FBXO40: variants seen among roughly 807,000 people sequenced by gnomAD.
FBXO40 encodes F-box only protein 40.
Under a neutral mutation model 49.9 loss-of-function variants are expected in FBXO40, and 50 were observed. The observed-to-expected ratio is 1.00, with a 90% confidence interval of 0.80 to 1.27. The LOEUF is 1.27. FBXO40 is among the 50% of genes most tolerant of loss of function. FBXO40 has a pLI of 0.00. For synonymous variants in FBXO40, 340 were observed against 320.2 expected (o/e 1.06, Z -0.66); for missense variants, 895 against 870.1 (o/e 1.03, Z -0.36).
At chr3:121,607,048 C>T (rs1033789974) in intron 1 of FBXO40, among the ~76,000 whole-genome samples, 6 of 151,980 alleles carry the variant, frequency 3.9e-5, no homozygotes, top group African/African-American at 7.2e-5. Context: ...GTGGATCACC[C>T]GAGGTCAAGA....
At chr3:121,603,039 T>C (rs1454548350) in intron 1 of FBXO40, among the ~76,000 whole-genome samples, 1 of 152,226 alleles carries the variant, frequency 6.6e-6, no homozygotes, top group Non-Finnish European at 1.5e-5. Flanking sequence ...CTGTGTCTCG[T>C]AAGGGCCTTC....
At chr3:121,617,324 A>T (rs1036345107) in intron 1 of FBXO40, among the ~76,000 whole-genome samples, 2 of 152,150 alleles carry the variant, frequency 1.3e-5, no homozygotes, top group Non-Finnish European at 2.9e-5. Context: ...GGCCGGGCAC[A>T]GTGGCTCACA....
chr3:121,600,025 A>G (rs148584966), intron 1 of FBXO40, among the ~76,000 whole-genome samples: 1 of 149,078 alleles, frequency 6.7e-6, no homozygotes, highest in Non-Finnish European at 1.5e-5. Context: ...GCCCTGTCTA[A>G]ACACACATAT....
intron 1 of FBXO40, among the ~76,000 whole-genome samples, chr3:121,601,632 A>T (rs1000695465): frequency 6.6e-6 from 1 of 152,212 alleles, no homozygotes; most frequent in Non-Finnish European, 1.5e-5. Flanking sequence ...CAGAGTTCTC[A>T]CTGCACGCAT....
rs2049083613 is a variant in FBXO40 at position 121,629,837 on chromosome 3, G to A, written c.*2927G>A. 6.6e-6 allele frequency: 1 copy of A among 152,304 alleles called. No individual in the cohort carries two copies. The highest frequency in any genetic ancestry group is 2.1e-4 in the South Asian group (1 of 4,832). 9.4% of individuals were successfully genotyped at this position (152,304 alleles called of 1,614,324 possible). ...GAGAGGAAGCTGGAGTGAACAGCAT[G>A]AACAGCGAGTGTTACCTGACAGAGG... On this transcript the variant is annotated 3_prime_UTR_variant, in exon 4 of 4. Transcript: ENST00000338040.
At chr3:121,615,562 T>TAAA (rs34194992) in intron 1 of FBXO40, among the ~76,000 whole-genome samples, 25 of 128,978 alleles carry the variant, frequency 1.9e-4, no homozygotes, top group Middle Eastern at 7.5e-3. Flanking sequence ...GACTGTGTCT[T>TAAA]AAAAAAAAAA....
chr3:121,602,720 A>T (rs2048906523), intron 1 of FBXO40, among the ~76,000 whole-genome samples: 2 of 152,346 alleles, frequency 1.3e-5, no homozygotes, highest in South Asian at 4.1e-4. Flanking sequence ...TGTGTATCAA[A>T]TAATTCCAGA....
At chr3:121,614,978 G>A (rs1334788771) in intron 1 of FBXO40, among the ~76,000 whole-genome samples, 1 of 152,140 alleles carries the variant, frequency 6.6e-6, no homozygotes, top group East Asian at 1.9e-4. Context: ...CCAGCACTTC[G>A]GGAGGCCGAG....
At chr3:121,602,708 A>G (rs1272790779) in intron 1 of FBXO40, among the ~76,000 whole-genome samples, 1 of 152,122 alleles carries the variant, frequency 6.6e-6, no homozygotes, top group Admixed American at 6.5e-5. Context: ...ATGGCTCCCT[A>G]TTGTGTATCA....
At chr3:121,618,793 G>A (rs976527435) in intron 1 of FBXO40, among the ~76,000 whole-genome samples, 1 of 151,790 alleles carries the variant, frequency 6.6e-6, no homozygotes, top group Non-Finnish European at 1.5e-5. Flanking sequence ...TTGAGAGAGA[G>A]ACAGAGAGGA....
At chr3:121,625,115 C>A (rs1241150927) in intron 3 of FBXO40, among the ~76,000 whole-genome samples, 1 of 152,212 alleles carries the variant, frequency 6.6e-6, no homozygotes, top group South Asian at 2.1e-4. Context: ...AATCAAAGAA[C>A]CTTTCCCTTC....
intron 3 of FBXO40, among the ~76,000 whole-genome samples, chr3:121,624,728 T>C (rs972512598): frequency 1.3e-5 from 2 of 152,180 alleles, no homozygotes; most frequent in African/African-American, 4.8e-5. Context: ...GGCGGCTCTC[T>C]ACACAAAATT....
chr3:121,622,344 G>C lies in FBXO40; in HGVS notation c.915G>C (p.Lys305Asn). 1 of 1,614,234 alleles carries C rather than the reference G, an allele frequency of 6.2e-7. No homozygotes were observed. Among genetic ancestry groups the C allele is most frequent in the Non-Finnish European group, 8.5e-7 (1 of 1,180,052 alleles). ...GACTGAAAACAGCTGTGGATGCAAA[G>C]GACTATAACATGTATCTAGTGCACA... Reference protein sequence around the residue: ...LERLKTAVDAKDYNMYLVHNG... With the variant: ...LERLKTAVDANDYNMYLVHNG... The change falls in exon 3 of 4, where the codon AAG (lysine) becomes AAC (asparagine). Residue 305 changes from lysine (K) to asparagine (N), a missense_variant. Transcript: ENST00000338040.
At position 121,623,298 on chromosome 3, in the gene FBXO40, A is replaced by C. The variant is rs1285021422; in HGVS notation, c.1869A>C (p.Lys623Asn). The C allele has an allele frequency of 6.2e-7, 1 of 1,614,248 alleles. No individual in the cohort carries two copies. Among genetic ancestry groups the C allele is most frequent in the Admixed American group, 1.7e-5 (1 of 60,036 alleles). ...ERGMVLLQWK[K>N]KRYSHGGTSW... ...GAATGGTCCTTTTGCAATGGAAGAA[A>C]AAGAGGTATTCCCATGGAGGCACCT... The change falls in exon 3 of 4, where the codon AAA becomes AAC. Residue 623 changes from lysine to asparagine, a missense_variant. By Grantham distance (94) the Lys-to-Asn change is moderately conservative. Transcript: ENST00000338040.
chr3:121,614,481 C>T (rs1446491641), intron 1 of FBXO40, among the ~76,000 whole-genome samples: 1 of 151,904 alleles, frequency 6.6e-6, no homozygotes, highest in Non-Finnish European at 1.5e-5. Context: ...CTGTTTGGGC[C>T]ATCCTTCCCG....
chr3:121,611,976 T>C lies in FBXO40; in HGVS notation c.-30-8570T>C, dbSNP rs1009651269. Among the ~76,000 whole-genome samples, 3 of 152,336 alleles carry C rather than the reference T, an allele frequency of 2.0e-5. No individual in the cohort carries two copies. In the East Asian group the frequency reaches 5.8e-4, roughly 29 times the overall value. On this transcript the variant is annotated intron_variant, in intron 1 of 3. Coordinates refer to ENST00000338040, the MANE Select transcript of FBXO40 (RefSeq NM_016298.4). ...TGGGGCAAAGTGGCTGGGGCAAAGCTACAAATTAACAACATCTCAGCAAAG... is the reference window on the plus strand; with the variant it reads ...TGGGGCAAAGTGGCTGGGGCAAAGCCACAAATTAACAACATCTCAGCAAAG...
At position 121,622,400 on chromosome 3, in the gene FBXO40, T is replaced by C. The variant is rs1333869125; in HGVS notation, c.971T>C (p.Met324Thr). ...CGGATGCTGATACACTTTGGTCAGATGCCTGCTTGTACACCCAAGGAGAGA... is the reference window on the plus strand; with the variant it reads ...CGGATGCTGATACACTTTGGTCAGACGCCTGCTTGTACACCCAAGGAGAGA... ...NGRMLIHFGQ[M>T]PACTPKERDF... The change falls in exon 3 of 4, where the codon ATG becomes ACG. Residue 324 changes from methionine (M) to threonine (T), a missense_variant. By Grantham distance (81) the Met-to-Thr change is moderately conservative (BLOSUM62 -1). Transcript: ENST00000338040. The C allele has an allele frequency of 6.2e-7, 1 of 1,614,102 alleles. No homozygotes were observed. The highest frequency in any genetic ancestry group is 8.5e-7 in the Non-Finnish European group (1 of 1,180,054).
chr3:121,599,711 T>C (rs1231366193), intron 1 of FBXO40, among the ~76,000 whole-genome samples: 2 of 90,992 alleles, frequency 2.2e-5, no homozygotes, highest in South Asian at 3.6e-4. Context: ...CACACATATA[T>C]ATATATATAT....
chr3:121,598,956 A>G (rs1399537453), intron 1 of FBXO40, among the ~76,000 whole-genome samples: 1 of 152,110 alleles, frequency 6.6e-6, no homozygotes, highest in African/African-American at 2.4e-5. Context: ...TGGTCCTTCC[A>G]CCAGCCTATG....
Sources: gnomAD v4.1 joint callset for allele counts (sites outside exome capture counted in the v4.1 genomes callset) on GRCh38, gnomAD v4.1.1 for gene constraint, MANE v1.5 for transcripts, NCBI Gene and HGNC (gene_info 2026-07-23, HGNC 2026-07-21) for gene names.